CLVS1: variants seen among roughly 807,000 people sequenced by gnomAD.
CLVS1 encodes clavesin 1, also known as clavesin-1.
CLVS1 carries 10 observed loss-of-function variants against 33.1 expected under a neutral mutation model. That is an observed-to-expected ratio of 0.30 (90% CI 0.19 to 0.51). The LOEUF (loss-of-function observed/expected upper bound fraction) is 0.51. Ranked by LOEUF, CLVS1 falls within the 20% of genes least tolerant of loss-of-function variation. CLVS1 has a pLI of 0.97. For synonymous variants in CLVS1, 163 were observed against 166.1 expected (o/e 0.98, Z 0.14); for missense variants, 343 against 433.4 (o/e 0.79, Z 1.85).
the CLVS1 span, among the ~76,000 whole-genome samples, chr8:60,968,210 G>A: frequency 1.3e-5 from 2 of 152,214 alleles, no homozygotes; most frequent in African/African-American, 2.4e-5. Context: ...GGGCTGATAG[G>A]TGTGACCCAC....
At chr8:61,065,346 T>C (rs555466620) in intron 1 of CLVS1, among the ~76,000 whole-genome samples, 16 of 152,268 alleles carry the variant, frequency 1.1e-4, no homozygotes, top group Non-Finnish European at 2.1e-4. Context: ...TCTTTTTTTT[T>C]CCCTGAATTT....
chr8:61,477,994 G>C (rs1050186585), intron 5 of CLVS1, among the ~76,000 whole-genome samples: 7 of 151,234 alleles, frequency 4.6e-5, no homozygotes, highest in Admixed American at 3.9e-4. Flanking sequence ...ACACTGCTTT[G>C]AATGAGATTC....
chr8:61,252,447 C>A (rs968110780), intron 2 of CLVS1, among the ~76,000 whole-genome samples: 3 of 152,020 alleles, frequency 2.0e-5, no homozygotes, highest in Non-Finnish European at 4.4e-5. Flanking sequence ...TTGGTCCAGA[C>A]CTGAGTTCAA....
At chr8:61,351,816 T>G (rs1812477775) in intron 2 of CLVS1, among the ~76,000 whole-genome samples, 1 of 152,098 alleles carries the variant, frequency 6.6e-6, no homozygotes, top group Non-Finnish European at 1.5e-5. Context: ...CTGTCAACTG[T>G]GACTTCTATA....
At chr8:61,280,130 A>G (rs902687866) in intron 2 of CLVS1, among the ~76,000 whole-genome samples, 6 of 152,222 alleles carry the variant, frequency 3.9e-5, no homozygotes, top group Admixed American at 6.5e-5. Context: ...GCTACTGTTT[A>G]TCTTCTACAT....
chr8:61,165,416 G>A (rs1311357704), intron 2 of CLVS1, among the ~76,000 whole-genome samples: 2 of 152,234 alleles, frequency 1.3e-5, no homozygotes, highest in Admixed American at 6.5e-5. Context: ...GAATGCCTGG[G>A]TTTATATCCT....
intron 3 of CLVS1, among the ~76,000 whole-genome samples, chr8:61,412,367 A>T (rs1305756095): frequency 6.6e-6 from 1 of 152,236 alleles, no homozygotes; most frequent in African/African-American, 2.4e-5. Context: ...AAGGTTTGAA[A>T]AAAACAAATG....
intron 5 of CLVS1, among the ~76,000 whole-genome samples, chr8:61,478,828 A>T (rs190594050): frequency 6.6e-6 from 1 of 152,268 alleles, no homozygotes; most frequent in African/African-American, 2.4e-5. Flanking sequence ...TTTAAGGTTA[A>T]TATTGTTATG....
intron 2 of CLVS1, chr8:61,203,255 A>C: frequency 1.0e-6 from 1 of 985,250 alleles, no homozygotes; most frequent in Non-Finnish European, 1.6e-6. Context: ...TTTGTTAAAA[A>C]TTTTCCGTCT....
the CLVS1 span, among the ~76,000 whole-genome samples, chr8:61,012,453 A>G: frequency 1.3e-5 from 2 of 152,384 alleles, no homozygotes; most frequent in Admixed American, 1.3e-4. Flanking sequence ...TGGAAACATT[A>G]GGAAATGAGA....
At chr8:61,047,001 C>T in the CLVS1 span, among the ~76,000 whole-genome samples, 4 of 152,140 alleles carry the variant, frequency 2.6e-5, no homozygotes, top group Admixed American at 6.5e-5. Context: ...TGCCTAATTG[C>T]CCTGGCCAGA....
intron 2 of CLVS1, among the ~76,000 whole-genome samples, chr8:61,233,954 T>C (rs7828493): frequency 0.22 from 33,059 of 152,186 alleles, 6,240 homozygotes; most frequent in East Asian, 0.69. Flanking sequence ...GCTCTCTCTC[T>C]CTTTCTTTTG....
At chr8:61,201,891 A>G (rs775571345) in intron 2 of CLVS1, among the ~76,000 whole-genome samples, 2 of 152,224 alleles carry the variant, frequency 1.3e-5, no homozygotes, top group Non-Finnish European at 2.9e-5. Context: ...CAGTTTTGCC[A>G]TGAGAGTACA....
intron 3 of CLVS1, among the ~76,000 whole-genome samples, chr8:61,441,603 A>G (rs1038201675): frequency 6.6e-6 from 1 of 152,218 alleles, no homozygotes; most frequent in Non-Finnish European, 1.5e-5. Context: ...TGCAAGCATT[A>G]CAAATCTTAG....
the CLVS1 span, among the ~76,000 whole-genome samples, chr8:61,009,849 T>C: frequency 2.6e-5 from 4 of 152,354 alleles, no homozygotes; most frequent in East Asian, 7.7e-4. Context: ...TTCACTATCT[T>C]GAGGATTAAC....
At chr8:61,277,499 G>A (rs1333500376) in intron 2 of CLVS1, among the ~76,000 whole-genome samples, 1 of 152,118 alleles carries the variant, frequency 6.6e-6, no homozygotes, top group African/African-American at 2.4e-5. Context: ...AAGACAGAAG[G>A]GATGGTCTAT....
At chr8:61,113,467 G>A (rs1251204660) in intron 1 of CLVS1, among the ~76,000 whole-genome samples, 1 of 152,160 alleles carries the variant, frequency 6.6e-6, no homozygotes, top group African/African-American at 2.4e-5. Context: ...GGTGAGCAGA[G>A]CCATGTGGGA....
chr8:61,054,752 C>T (rs2915582), upstream of CLVS1, among the ~76,000 whole-genome samples: 61 of 152,134 alleles, frequency 4.0e-4, no homozygotes, highest in Non-Finnish European at 6.8e-4. Context: ...CCTCATCTCT[C>T]TCCTATACCT....
chr8:61,414,278 G>A (rs1048023190), intron 3 of CLVS1, among the ~76,000 whole-genome samples: 1 of 152,166 alleles, frequency 6.6e-6, no homozygotes, highest in African/African-American at 2.4e-5. Flanking sequence ...GAGTTGGTGT[G>A]ATTAGAATTA....
Sources: gnomAD v4.1 joint callset for allele counts (sites outside exome capture counted in the v4.1 genomes callset) on GRCh38, gnomAD v4.1.1 for gene constraint, MANE v1.5 for transcripts, NCBI Gene and HGNC (gene_info 2026-07-23, HGNC 2026-07-21) for gene names.